COPG2: variants seen among roughly 807,000 people sequenced by gnomAD.
The protein encoded by COPG2 is coatomer subunit gamma-2.
In COPG2, 37 loss-of-function variants were observed where a neutral mutation model predicts 46.3. The ratio of observed to expected loss-of-function variants is 0.80; its 90% confidence interval spans 0.61 to 1.05. The LOEUF (loss-of-function observed/expected upper bound fraction) is 1.05. Among genes scored for constraint, COPG2 ranks in the 50% least tolerant of loss-of-function variants. The pLI is 0.00. For missense variants in COPG2, 427 were observed against 387.8 expected, an observed-to-expected ratio of 1.10 and a Z score of -0.85; for synonymous variants, 159 against 129.7, an observed-to-expected ratio of 1.23 and a Z score of -1.53.
At chr7:130,627,348 C>T (rs868982433) in intron 5 of COPG2, among the ~76,000 whole-genome samples, 1 of 152,174 alleles carries the variant, frequency 6.6e-6, no homozygotes, top group Non-Finnish European at 1.5e-5. Flanking sequence ...AATTCACAAT[C>T]TTCCTATGCC....
At position 130,547,792 on chromosome 7, in the gene COPG2, C is replaced by T. The variant is rs1427530142; in HGVS notation, c.2031G>A (p.Gln677=). 2.5e-6 allele frequency: 1 copy of T among 398,990 alleles called. No individual in the cohort carries two copies. The highest frequency in any genetic ancestry group is 2.1e-5 in the African/African-American group (1 of 48,640). 24.7% of individuals were successfully genotyped at this position (398,990 alleles called of 1,614,324 possible). A position where few individuals can be genotyped will look rare whatever the true frequency, so the allele number is the denominator to read the frequency against. Reference sequence around the variant, plus strand: ...CTTCATAGGAATCTGATGGCTCCATCTGCACTGTCACTTTTTCCAGCAGCT... The same window carrying T: ...CTTCATAGGAATCTGATGGCTCCATTTGCACTGTCACTTTTTCCAGCAGCT... ...NDQLLEKVTV[Q]MEPSDSYEVL... The change falls in exon 20 of 24, where the codon CAG becomes CAA. Residue 677 remains glutamine (Q), a synonymous_variant. Coordinates refer to ENST00000425248, the MANE Select transcript of COPG2 (RefSeq NM_012133.6).
chr7:130,623,060 A>C (rs1795063999), intron 5 of COPG2, among the ~76,000 whole-genome samples: 1 of 152,162 alleles, frequency 6.6e-6, no homozygotes, highest in Non-Finnish European at 1.5e-5. Flanking sequence ...AAACTGGCTC[A>C]GTTTGTGGCC....
chr7:130,592,113 T>C (rs1554449090), intron 9 of COPG2, among the ~76,000 whole-genome samples: 1 of 152,216 alleles, frequency 6.6e-6, no homozygotes, highest in African/African-American at 2.4e-5. Flanking sequence ...CCCAACCCTG[T>C]GCTCTCTGAA....
At chr7:130,633,540 T>C (rs1795269810) in intron 5 of COPG2, among the ~76,000 whole-genome samples, 1 of 152,220 alleles carries the variant, frequency 6.6e-6, no homozygotes, top group Admixed American at 6.5e-5. Flanking sequence ...GAGAAGTGTC[T>C]GTTCATATCC....
At chr7:130,544,622 T>C (rs1246233888) in intron 20 of COPG2, among the ~76,000 whole-genome samples, 3 of 152,174 alleles carry the variant, frequency 2.0e-5, no homozygotes, top group African/African-American at 7.2e-5. Flanking sequence ...GTTAAGTTGG[T>C]AGTTGCATTA....
intron 5 of COPG2, among the ~76,000 whole-genome samples, chr7:130,618,112 A>G (rs1794980612): frequency 7.0e-6 from 1 of 142,562 alleles, no homozygotes; most frequent in Non-Finnish European, 1.5e-5. Flanking sequence ...AAAAAAAAAA[A>G]AAAAAAAGAC....
chr7:130,615,913 C>T (rs1179237797), intron 6 of COPG2, among the ~76,000 whole-genome samples: 1 of 152,174 alleles, frequency 6.6e-6, no homozygotes, highest in African/African-American at 2.4e-5. Flanking sequence ...AAATTTCCCC[C>T]ACTCCTTAGA....
At chr7:130,634,186 T>C (rs879978742) in intron 5 of COPG2, among the ~76,000 whole-genome samples, 3 of 152,188 alleles carry the variant, frequency 2.0e-5, no homozygotes, top group Admixed American at 1.3e-4. Context: ...TTGCTTAGGA[T>C]TGTCTTGGCT....
At chr7:130,555,680 T>A (rs1793609809) in intron 12 of COPG2, among the ~76,000 whole-genome samples, 1 of 151,924 alleles carries the variant, frequency 6.6e-6, no homozygotes, top group African/African-American at 2.4e-5. Context: ...AATACAAATA[T>A]TAGCCAGGTG....
At chr7:130,526,716 G>T (rs909223342) in intron 20 of COPG2, among the ~76,000 whole-genome samples, 1 of 151,476 alleles carries the variant, frequency 6.6e-6, no homozygotes, top group Non-Finnish European at 1.5e-5. Context: ...TATAAGAGGG[G>T]TGGACAGCAA....
intron 5 of COPG2, among the ~76,000 whole-genome samples, chr7:130,646,422 T>C (rs1795595741): frequency 6.6e-6 from 1 of 152,204 alleles, no homozygotes; most frequent in Admixed American, 6.5e-5. Context: ...CTACCCAAAG[T>C]TCACCATAAA....
Position 130,547,556 on chromosome 7 carries a change from A to C in COPG2, c.2149+118T>G, listed in dbSNP as rs932779057. On this transcript the variant is annotated intron_variant, in intron 20 of 23. Transcript: ENST00000425248. ...CACACACAAACACACACACACAAAC[A>C]CTCATCATTAAATTCTAGAAAAGCA... is the stretch of plus-strand genomic sequence containing the variant. The C allele has an allele frequency of 1.5e-4, 61 of 397,672 alleles. No individual in the cohort carries two copies. The East Asian group carries it at 2.0e-3, about 13-fold the overall frequency. 24.6% of individuals were successfully genotyped at this position (397,672 alleles called of 1,614,324 possible).
At chr7:130,549,935 A>C (rs1793508914) in intron 17 of COPG2, among the ~76,000 whole-genome samples, 1 of 152,214 alleles carries the variant, frequency 6.6e-6, no homozygotes, top group South Asian at 2.1e-4. Flanking sequence ...TAAAAATAGG[A>C]GGCGACAGCA....
intron 8 of COPG2, among the ~76,000 whole-genome samples, chr7:130,611,390 C>G (rs554079869): frequency 6.6e-6 from 1 of 152,258 alleles, no homozygotes; most frequent in Non-Finnish European, 1.5e-5. Context: ...GCTCACACAT[C>G]CTCAGTACAC....
In COPG2 at chr7:130,663,021, T is replaced by C. The variant is rs1554460983; in HGVS notation, c.189A>G (p.Thr63=). ...CAAAGAAGGCTTCTGTAGCTTCCGT[T>C]GTTCCAAAGTGTTCACCCTAAGTAA... The part of the protein sequence containing the change: ...YLLNQGEHFG[T]TEATEAFFAM... Residue 63 remains threonine (T), a synonymous_variant, in exon 4 of 24, where the codon ACA becomes ACG. Coordinates refer to ENST00000425248, the MANE Select transcript of COPG2 (RefSeq NM_012133.6). 6 of 1,539,806 alleles carry C rather than the reference T, an allele frequency of 3.9e-6. No homozygotes were observed. The highest frequency in any genetic ancestry group is 1.4e-5 in the African/African-American group (1 of 71,950).
intron 9 of COPG2, among the ~76,000 whole-genome samples, chr7:130,581,584 A>T (rs1324716004): frequency 7.5e-6 from 1 of 133,856 alleles, no homozygotes; most frequent in East Asian, 2.2e-4. Context: ...ACATGATTGT[A>T]TATCTAGAAA....
At chr7:130,653,200 G>A (rs1238434715) in intron 4 of COPG2, among the ~76,000 whole-genome samples, 1 of 152,164 alleles carries the variant, frequency 6.6e-6, no homozygotes, top group South Asian at 2.1e-4. Context: ...TCTACTGAGA[G>A]ATACAAACTT....
intron 20 of COPG2, among the ~76,000 whole-genome samples, chr7:130,530,508 T>C (rs1799813679): frequency 6.6e-6 from 1 of 151,938 alleles, no homozygotes; most frequent in African/African-American, 2.4e-5. Context: ...GAAGGTGGGA[T>C]AGAGAGAGGA....
At chr7:130,597,216 G>A (rs1271104011) in intron 9 of COPG2, among the ~76,000 whole-genome samples, 1 of 152,170 alleles carries the variant, frequency 6.6e-6, no homozygotes, top group East Asian at 1.9e-4. Flanking sequence ...GCCCTGCTAG[G>A]GTTGCCCACA....
Sources: allele counts gnomAD v4.1 joint callset (sites outside exome capture counted in the v4.1 genomes callset), GRCh38; gene constraint gnomAD v4.1.1; transcripts MANE v1.5; gene names NCBI Gene and HGNC (gene_info 2026-07-23, HGNC 2026-07-21).